The following ATP11A variants were observed in gnomAD, a reference collection of about 807,000 sequenced individuals.
ATP11A encodes the protein phospholipid-transporting ATPase IH.
A neutral mutation model predicts 154.4 loss-of-function variants in ATP11A; 81 were observed. That is an observed-to-expected ratio of 0.52 (90% CI 0.44 to 0.63). The LOEUF is 0.63. Among genes scored for constraint, ATP11A ranks in the 30% least tolerant of loss-of-function variants. The pLI, the probability that ATP11A is intolerant of heterozygous loss-of-function variation, is 0.00. For synonymous variants in ATP11A, 623 were observed against 585.9 expected (o/e 1.06, Z -0.91); for missense variants, 1,316 against 1,474.3 (o/e 0.89, Z 1.76).
intron 1 of ATP11A, among the ~76,000 whole-genome samples, chr13:112,736,185 T>A (rs117966971): frequency 2.0e-5 from 3 of 152,338 alleles, no homozygotes; most frequent in Non-Finnish European, 2.9e-5. Context: ...CCACACTGTT[T>A]GAACTTGACC....
At chr13:112,790,484 A>C (rs2077819376) in intron 2 of ATP11A, among the ~76,000 whole-genome samples, 1 of 148,206 alleles carries the variant, frequency 6.7e-6, no homozygotes, top group Non-Finnish European at 1.5e-5. Flanking sequence ...AGACCTACTT[A>C]ATTCACACCG....
chr13:112,867,698 G>T (rs1360800860), intron 25 of ATP11A, among the ~76,000 whole-genome samples: 1 of 152,212 alleles, frequency 6.6e-6, no homozygotes, highest in Non-Finnish European at 1.5e-5. Context: ...GTACCCTCCA[G>T]CCCCTGGCTA....
In ATP11A at chr13:112,735,898, C is replaced by T. The variant is rs182408507; in HGVS notation, c.39+45443C>T. ...GAGGTGCATCCATAAGTCCCATGGT[C>T]CGTGTGCTCCTCCATGCCTCCGTGT... On this transcript the variant is annotated intron_variant, in intron 1 of 29. Transcript: ENST00000375645. Among the ~76,000 whole-genome samples the T allele has an allele frequency of 1.5e-3, 229 of 152,356 alleles. 2 individuals carry two copies. The highest frequency in any genetic ancestry group is 5.2e-3 in the African/African-American group (217 of 41,578).
chr13:112,778,978 T>G (rs1457978809), intron 1 of ATP11A, among the ~76,000 whole-genome samples: 8 of 51,828 alleles, frequency 1.5e-4, no homozygotes, highest in Admixed American at 5.0e-4. Context: ...GCCGCTGGAG[T>G]GAGGAGTAGC....
intron 1 of ATP11A, among the ~76,000 whole-genome samples, chr13:112,740,152 A>ATATATATATCTC (rs1555311740): frequency 1.1e-4 from 14 of 128,666 alleles, no homozygotes; most frequent in African/African-American, 4.3e-4. Flanking sequence ...CTCTCTCTAT[A>ATATATATATCTC]TATATATATA....
intron 29 of ATP11A, chr13:112,880,395 C>A: frequency 1.8e-6 from 1 of 560,918 alleles, no homozygotes; most frequent in Non-Finnish European, 2.5e-6. Context: ...CAAGCCCTCG[C>A]CCTGGCAGCT....
intron 1 of ATP11A, among the ~76,000 whole-genome samples, chr13:112,761,615 TATCTC>T (rs2076964817): frequency 7.7e-5 from 11 of 142,378 alleles, no homozygotes; most frequent in African/African-American, 2.9e-4. Flanking sequence ...GTTTGGGTAC[TATCTC>T]GGATTCAGGA....
In ATP11A at chr13:112,728,612, C is replaced by T. The variant is rs550299347; in HGVS notation, c.39+38157C>T. On this transcript the variant is annotated intron_variant, in intron 1 of 29. Transcript: ENST00000375645. ...TCCACTCGTGGGGGGGCCGTGAGACCGTGCGGCCCGCCTCCCTGTGTTACC... is the reference window on the plus strand; with the variant it reads ...TCCACTCGTGGGGGGGCCGTGAGACTGTGCGGCCCGCCTCCCTGTGTTACC... Among the ~76,000 whole-genome samples the T allele has an allele frequency of 3.2e-3, 393 of 123,466 alleles. 2 individuals carry two copies. The highest frequency in any genetic ancestry group is 0.013 in the Middle Eastern group (2 of 150). 81.0% of individuals were successfully genotyped at this position (123,466 alleles called of 152,430 possible). A position where few individuals can be genotyped will look rare whatever the true frequency, so the allele number is the denominator to read the frequency against.
Position 112,859,482 on chromosome 13 carries a change from G to A in ATP11A, c.2727+30G>A. 1 of 1,587,212 alleles carries A rather than the reference G, an allele frequency of 6.3e-7. No homozygotes were observed. The highest frequency in any genetic ancestry group is 8.7e-7 in the Non-Finnish European group (1 of 1,155,748). On this transcript the variant is annotated intron_variant, in intron 23 of 29. Coordinates refer to ENST00000375645, the MANE Select transcript of ATP11A (RefSeq NM_015205.3). This position sits in a 1 kb window ranked among gnomAD's most constrained non-coding sequence, Gnocchi z 4.3. ...GTCCTAGGGTCTTCAGGGACAGGCT[G>A]TCTGAGCCTTCTTTTCCTTCCCGCA...
At chr13:112,732,778 GT>G (rs1890625352) in intron 1 of ATP11A, among the ~76,000 whole-genome samples, 1 of 152,080 alleles carries the variant, frequency 6.6e-6, no homozygotes, top group South Asian at 2.1e-4. Context: ...TGCCTGGCTA[GT>G]TTTTATATTT....
chr13:112,714,479 C>T (rs1286049858), intron 1 of ATP11A, among the ~76,000 whole-genome samples: 2 of 152,174 alleles, frequency 1.3e-5, no homozygotes, highest in African/African-American at 4.8e-5. Flanking sequence ...TCCCTCCTCA[C>T]TCCCCGAACC....
intron 17 of ATP11A, among the ~76,000 whole-genome samples, chr13:112,844,595 G>A (rs1176687318): frequency 6.6e-6 from 1 of 152,224 alleles, no homozygotes; most frequent in Admixed American, 6.5e-5. Flanking sequence ...AAAGGCGGCT[G>A]TTGTATCCGG....
chr13:112,802,685 G>T (rs2078172291), intron 2 of ATP11A, among the ~76,000 whole-genome samples: 1 of 152,078 alleles, frequency 6.6e-6, no homozygotes, highest in South Asian at 2.1e-4. Context: ...TAGAAATGTA[G>T]GAGAAAGTCT....
rs890585271 is a variant in ATP11A, at chr13:112,859,119, C to T, written c.2668-274C>T. 4.5e-6 allele frequency: 2 copies of T among 449,328 alleles called. No individual in the cohort carries two copies. Among genetic ancestry groups the T allele is most frequent in the Non-Finnish European group, 8.2e-6 (2 of 242,554 alleles). The allele number at this position is 449,328 out of a possible 1,614,324, so 27.8% of individuals were successfully genotyped here. On this transcript the variant is annotated intron_variant, in intron 22 of 29. Transcript: ENST00000375645. The surrounding 1 kb of genome is among the most constrained non-coding windows in gnomAD (Gnocchi z 4.3). ...TTCACTGTGCAGTTCGATTCTTTCC[C>T]GTTTATACTGATACCTGCATTGCCT...
At chr13:112,814,208 C>T (rs1594777923) in intron 5 of ATP11A, among the ~76,000 whole-genome samples, 2 of 152,122 alleles carry the variant, frequency 1.3e-5, no homozygotes, top group South Asian at 2.1e-4. Context: ...GGATTACAGG[C>T]GTGCACCACC....
chr13:112,748,375 C>A (rs1892415878), intron 1 of ATP11A, among the ~76,000 whole-genome samples: 1 of 152,144 alleles, frequency 6.6e-6, no homozygotes, highest in East Asian at 1.9e-4. Context: ...TCTTTCATTT[C>A]TTTTTATTGA....
rs777782295 is a variant in ATP11A at position 112,856,065 on chromosome 13, G to A, written c.2398G>A (p.Ala800Thr). ...SCSAVLCCRM[A>T]PLQKAQIVKL... ...CAGCGCGGTGCTCTGCTGCCGCATGGCGCCCTTGCAGAAGGCTCAGGTGCT... is the reference window on the plus strand; with the variant it reads ...CAGCGCGGTGCTCTGCTGCCGCATGACGCCCTTGCAGAAGGCTCAGGTGCT... Residue 800 changes from alanine to threonine, a missense_variant, in exon 20 of 30, where the codon GCG (alanine) becomes ACG (threonine). Coordinates refer to ENST00000375645, the MANE Select transcript of ATP11A (RefSeq NM_015205.3). 6.2e-7 allele frequency: 1 copy of A among 1,613,208 alleles called. No homozygotes were observed. Among genetic ancestry groups the A allele is most frequent in the Non-Finnish European group, 8.5e-7 (1 of 1,179,778 alleles).
At chr13:112,836,344 G>A in intron 16 of ATP11A, 93 bp downstream of exon 16, 1 of 707,944 alleles carries the variant, frequency 1.4e-6, no homozygotes. Flanking sequence ...TAAGGATTTA[G>A]GGTTTAAGAA....
At chr13:112,713,205 GC>G (rs1351591547) in intron 1 of ATP11A, among the ~76,000 whole-genome samples, 1 of 152,140 alleles carries the variant, frequency 6.6e-6, no homozygotes, top group East Asian at 1.9e-4. Context: ...GACCGGCCTG[GC>G]CAACATGGTG....
Sources: gnomAD v4.1 joint callset for allele counts (sites outside exome capture counted in the v4.1 genomes callset) on GRCh38, gnomAD v4.1.1 for gene constraint, Gnocchi (gnomAD v3.1) non-coding constraint, MANE v1.5 for transcripts, NCBI Gene and HGNC (gene_info 2026-07-23, HGNC 2026-07-21) for gene names.